The following GRIP1 variants were observed in gnomAD, a reference collection of about 807,000 sequenced individuals.
GRIP1 encodes glutamate receptor interacting protein 1.
In GRIP1, 45 loss-of-function variants were observed where a neutral mutation model predicts 129.9. That is an observed-to-expected ratio of 0.35 (90% CI 0.27 to 0.44). The LOEUF (loss-of-function observed/expected upper bound fraction) is 0.44, where lower values mean the gene tolerates loss of function less well. Among genes scored for constraint, GRIP1 ranks in the 20% least tolerant of loss-of-function variants. GRIP1 has a pLI of 1.00. For missense variants in GRIP1, 1,196 were observed against 1,396.8 expected (o/e 0.86, Z 2.29); for synonymous variants, 530 against 520.8 (o/e 1.02, Z -0.24).
At chr12:66,584,348 G>T (rs1439694426) in intron 2 of GRIP1, among the ~76,000 whole-genome samples, 1 of 151,904 alleles carries the variant, frequency 6.6e-6, no homozygotes, top group Non-Finnish European at 1.5e-5. Flanking sequence ...CATGGCACAT[G>T]TATACATATG....
chr12:66,461,465 G>A (rs1192653476), intron 9 of GRIP1, among the ~76,000 whole-genome samples: 1 of 152,142 alleles, frequency 6.6e-6, no homozygotes, highest in Non-Finnish European at 1.5e-5. Context: ...GGGCCCACGG[G>A]GCCTCCTGAT....
At chr12:67,017,254 A>G (rs188310813) in intron 1 of GRIP1, among the ~76,000 whole-genome samples, 1 of 152,146 alleles carries the variant, frequency 6.6e-6, no homozygotes, top group Non-Finnish European at 1.5e-5. Flanking sequence ...AATAGTTATC[A>G]TAAGTCCCCA....
intron 1 of GRIP1, among the ~76,000 whole-genome samples, chr12:67,006,626 A>G (rs113970047): frequency 1.2e-4 from 18 of 152,300 alleles, no homozygotes; most frequent in African/African-American, 3.8e-4. Context: ...TCACATTGAC[A>G]GCCTTCATCT....
chr12:66,757,919 A>G (rs1000352874), intron 1 of GRIP1, among the ~76,000 whole-genome samples: 1 of 152,192 alleles, frequency 6.6e-6, no homozygotes, highest in African/African-American at 2.4e-5. Flanking sequence ...TAAATCCCCA[A>G]CACAATTCTA....
intron 1 of GRIP1, among the ~76,000 whole-genome samples, chr12:66,977,333 C>T (rs749416532): frequency 9.9e-5 from 15 of 151,666 alleles, no homozygotes; most frequent in Non-Finnish European, 2.1e-4. Flanking sequence ...CTAGAACTGA[C>T]TATAAATTTA....
chr12:66,757,074 C>A (rs1486247577), intron 1 of GRIP1, among the ~76,000 whole-genome samples: 1 of 152,154 alleles, frequency 6.6e-6, no homozygotes, highest in Non-Finnish European at 1.5e-5. Context: ...TTACTTCAAG[C>A]ATTTATCATT....
intron 1 of GRIP1, among the ~76,000 whole-genome samples, chr12:66,723,223 T>C: frequency 4.1e-5 from 2 of 49,016 alleles, no homozygotes; most frequent in African/African-American, 2.2e-4. Context: ...TCTTTCTTTC[T>C]TTCTCTCTCT....
Position 66,785,360 on chromosome 12 carries a change from A to ATATATATATATATG in GRIP1, c.-420+18692_-420+18693insCATATATATATATA, listed in dbSNP as rs1217294972. ...CATACATACATATATATATATATAT[A>ATATATATATATATG]TATTAGTTGGGCATGGTAGCACTTT... On this transcript the variant is annotated intron_variant, in intron 1 of 4. Coordinates refer to the GRIP1 transcript ENST00000538373. Among the ~76,000 whole-genome samples, 132 of 143,126 alleles carry ATATATATATATATG rather than the reference A, an allele frequency of 9.2e-4. 1 individual carries two copies. Among genetic ancestry groups the ATATATATATATATG allele is most frequent in the Non-Finnish European group, 1.7e-3 (111 of 65,480 alleles). 93.9% of individuals were successfully genotyped at this position (143,126 alleles called of 152,430 possible).
chr12:66,923,390 C>A (rs1293735812), intron 1 of GRIP1, among the ~76,000 whole-genome samples: 2 of 152,098 alleles, frequency 1.3e-5, no homozygotes, highest in South Asian at 2.1e-4. Flanking sequence ...CATTATTTGG[C>A]AGTTAGATAT....
intron 1 of GRIP1, among the ~76,000 whole-genome samples, chr12:66,712,584 A>T (rs2035745987): frequency 6.6e-6 from 1 of 152,048 alleles, no homozygotes; most frequent in African/African-American, 2.4e-5. Context: ...GAAGTCAAAC[A>T]TAAGCAAACG....
At chr12:66,442,957 G>A (rs909641023) in intron 13 of GRIP1, among the ~76,000 whole-genome samples, 3 of 152,102 alleles carry the variant, frequency 2.0e-5, no homozygotes, top group African/African-American at 7.2e-5. Context: ...TCTACATTGT[G>A]TAGGGGCATA....
intron 1 of GRIP1, among the ~76,000 whole-genome samples, chr12:67,029,011 A>G (rs1565646330): frequency 1.3e-5 from 2 of 152,148 alleles, no homozygotes; most frequent in African/African-American, 4.8e-5. Context: ...ATAGGTTTAC[A>G]TAAAATTTGA....
At chr12:66,485,302 A>G (rs2059922454) in intron 7 of GRIP1, among the ~76,000 whole-genome samples, 1 of 152,106 alleles carries the variant, frequency 6.6e-6, no homozygotes, top group African/African-American at 2.4e-5. Context: ...AATTTTTCAT[A>G]CAGTTATTGG....
intron 1 of GRIP1, among the ~76,000 whole-genome samples, chr12:66,854,880 T>C (rs191681964): frequency 6.6e-6 from 1 of 151,938 alleles, no homozygotes; most frequent in Non-Finnish European, 1.5e-5. Context: ...GCAAATAACA[T>C]AGAGAAACCC....
At chr12:66,922,357 G>A (rs760127156) in intron 1 of GRIP1, among the ~76,000 whole-genome samples, 1 of 152,118 alleles carries the variant, frequency 6.6e-6, no homozygotes, top group Non-Finnish European at 1.5e-5. Context: ...CCAGGACTCC[G>A]TGTTCTCTGT....
At chr12:66,786,593 T>C (rs953257050) in intron 1 of GRIP1, among the ~76,000 whole-genome samples, 1 of 152,212 alleles carries the variant, frequency 6.6e-6, no homozygotes, top group African/African-American at 2.4e-5. Context: ...ACCCAGTATC[T>C]ACTGGTGAGC....
chr12:66,766,064 T>C (rs1459940270), intron 1 of GRIP1, among the ~76,000 whole-genome samples: 1 of 152,186 alleles, frequency 6.6e-6, no homozygotes, highest in Non-Finnish European at 1.5e-5. Flanking sequence ...TCTTGTTTTT[T>C]TCCTTTCACT....
chr12:66,936,860 G>T (rs2137428672), intron 1 of GRIP1, among the ~76,000 whole-genome samples: 1 of 152,292 alleles, frequency 6.6e-6, no homozygotes, highest in South Asian at 2.1e-4. Flanking sequence ...CTAGAGGCAG[G>T]ATACCTGGGT....
intron 1 of GRIP1, among the ~76,000 whole-genome samples, chr12:66,803,542 A>C (rs2038916238): frequency 6.6e-6 from 1 of 152,260 alleles, no homozygotes; most frequent in Non-Finnish European, 1.5e-5. Context: ...CTTATTTAAT[A>C]ACAAAATTGT....
Sources: gnomAD v4.1 joint callset for allele counts (sites outside exome capture counted in the v4.1 genomes callset) on GRCh38, gnomAD v4.1.1 for gene constraint, MANE v1.5 for transcripts, NCBI Gene and HGNC (gene_info 2026-07-23, HGNC 2026-07-21) for gene names.